The following GPN1 variants were observed in gnomAD, a reference collection of about 807,000 sequenced individuals.
GPN1 encodes the protein GPN-loop GTPase 1.
GPN1 carries 44 observed loss-of-function variants against 55.9 expected under a neutral mutation model. That is an observed-to-expected ratio of 0.79 (90% CI 0.62 to 1.01). The LOEUF (loss-of-function observed/expected upper bound fraction) is 1.01, where lower values mean the gene tolerates loss of function less well. Ranked by LOEUF, GPN1 falls within the 50% of genes least tolerant of loss-of-function variation. GPN1 has a pLI of 0.00. For synonymous variants in GPN1, 179 were observed against 162.5 expected, an observed-to-expected ratio of 1.10 and a Z score of -0.77; for missense variants, 466 against 462.8, an observed-to-expected ratio of 1.01 and a Z score of -0.06.
intron 7 of GPN1, 37 bp downstream of exon 7, chr2:27,635,271 G>A (rs1325368256): frequency 4.3e-6 from 4 of 930,934 alleles, no homozygotes; most frequent in African/African-American, 3.4e-5. Context: ...TTCCATCAAG[G>A]TATAAGGCCT....
rs117640270 is a variant in GPN1 at position 27,632,006 on chromosome 2, A to G, written c.312+106A>G. The G allele has an allele frequency of 2.3e-4, 170 of 748,630 alleles. No homozygotes were observed. In the East Asian group the frequency reaches 4.0e-3, roughly 18 times the overall value. The allele number at this position is 748,630 out of a possible 1,614,324, so 46.4% of individuals were successfully genotyped here. On this transcript the variant is annotated intron_variant, in intron 4 of 13. Coordinates refer to ENST00000610189, the MANE Select transcript of GPN1 (RefSeq NM_007266.4). ...AGAAGAGCAGCAAACCTGAGCATAA[A>G]TATAGAAAATAAGTAGGCATTTTGT...
In GPN1 at chr2:27,638,986, T is replaced by A; in HGVS notation, c.672T>A (p.Thr224=). 6.2e-7 allele frequency: 1 copy of A among 1,613,674 alleles called. No individual in the cohort carries two copies. The highest frequency in any genetic ancestry group is 8.5e-7 in the Non-Finnish European group (1 of 1,179,752). The change falls in exon 9 of 14, where the codon ACT becomes ACA. Residue 224 remains threonine, a synonymous_variant. Coordinates refer to ENST00000610189, the MANE Select transcript of GPN1 (RefSeq NM_007266.4). ...NQETTYVSNL[T]RSMSLVLDEF... ...AGACTACATACGTCAGTAACCTGACTCGTTCAATGAGCCTGGTGTTAGATG... is the reference window on the plus strand; with the variant it reads ...AGACTACATACGTCAGTAACCTGACACGTTCAATGAGCCTGGTGTTAGATG...
chr2:27,645,065 T>G (rs1674160489), intron 12 of GPN1, among the ~76,000 whole-genome samples: 1 of 152,180 alleles, frequency 6.6e-6, no homozygotes, highest in African/African-American at 2.4e-5. Flanking sequence ...ACTACTGGGC[T>G]CAAGCATTCC....
chr2:27,642,958 TACACACACACAC>T (rs1553358324), intron 12 of GPN1, among the ~76,000 whole-genome samples: 4 of 122,610 alleles, frequency 3.3e-5, no homozygotes, highest in South Asian at 2.8e-4. Flanking sequence ...TATATATATA[TACACACACACAC>T]ACACACACAC....
At position 27,642,958 on chromosome 2, in the gene GPN1, T is replaced by TATATAC. The variant is rs10643705; in HGVS notation, c.931+440_931+441insTATACA. On this transcript the variant is annotated intron_variant, in intron 12 of 13. Transcript: ENST00000610189. ...AAATGTGGTTTTATATATATATATA[T>TATATAC]ACACACACACACACACACACACACA... is the stretch of plus-strand genomic sequence containing the variant. Among the ~76,000 whole-genome samples, 414 of 122,638 alleles carry TATATAC rather than the reference T, an allele frequency of 3.4e-3. 2 individuals carry two copies. The highest frequency in any genetic ancestry group is 7.6e-3 in the African/African-American group (255 of 33,362). The allele number at this position is 122,638 out of a possible 152,430, so 80.5% of individuals were successfully genotyped here.
In GPN1 at chr2:27,638,306, G is replaced by A; in HGVS notation, c.570+51G>A. 3.9e-6 allele frequency: 4 copies of A among 1,027,054 alleles called. No individual in the cohort carries two copies. The South Asian group carries it at 5.2e-5, about 13-fold the overall frequency. 63.6% of individuals were successfully genotyped at this position (1,027,054 alleles called of 1,614,324 possible). A position where few individuals can be genotyped will look rare whatever the true frequency, so the allele number is the denominator to read the frequency against. On this transcript the variant is annotated intron_variant, in intron 8 of 13. Coordinates refer to ENST00000610189, the MANE Select transcript of GPN1 (RefSeq NM_007266.4). ...TCACCATTTTTCATCAGAACCTTGTGGTTAGAAGGTTTAGGTGGGTGAGAA... is the reference window on the plus strand; with the variant it reads ...TCACCATTTTTCATCAGAACCTTGTAGTTAGAAGGTTTAGGTGGGTGAGAA...
intron 11 of GPN1, among the ~76,000 whole-genome samples, chr2:27,641,513 C>T (rs1673949719): frequency 6.6e-6 from 1 of 152,028 alleles, no homozygotes; most frequent in East Asian, 1.9e-4. Flanking sequence ...TGCGGAAAGT[C>T]TCCTTAATGT....
Position 27,650,157 on chromosome 2 carries a change from T to C in GPN1, c.1082T>C (p.Met361Thr), listed in dbSNP as rs1330181350. 23 of 1,608,384 alleles carry C rather than the reference T, an allele frequency of 1.4e-5. No homozygotes were observed. Among genetic ancestry groups the C allele is most frequent in the Non-Finnish European group, 2.0e-5 (23 of 1,174,860 alleles). ...GAAGAGCCAGCATTCCAGAATTTTA[T>C]GCAAGAATCGATGGCACAATACTGG... ...SHEEPAFQNF[M>T]QESMAQYWKR... is the part of the protein sequence containing the mutation. The change falls in exon 14 of 14, where the codon ATG becomes ACG. Residue 361 changes from methionine to threonine, a missense_variant. Met to Thr is a moderately conservative substitution (Grantham distance 81). Transcript: ENST00000610189.
chr2:27,644,671 A>G (rs1419071177), intron 12 of GPN1, among the ~76,000 whole-genome samples: 1 of 134,076 alleles, frequency 7.5e-6, no homozygotes, highest in Non-Finnish European at 1.6e-5. Flanking sequence ...TTGTATCTGT[A>G]TGATTTATTT....
chr2:27,637,731 C>G (rs1418746895), intron 7 of GPN1, among the ~76,000 whole-genome samples: 2 of 152,132 alleles, frequency 1.3e-5, no homozygotes, highest in Non-Finnish European at 2.9e-5. Context: ...CTGAAATGCT[C>G]CAAAATGTGA....
At chr2:27,628,588 C>T (rs1239934755), upstream of GPN1, 1 of 1,551,466 alleles carries the variant, frequency 6.4e-7, no homozygotes, top group African/African-American at 1.4e-5. Context: ...ACCCTGGAGA[C>T]TGCACCCTGC....
At chr2:27,631,133 G>C in intron 3 of GPN1, 67 bp downstream of exon 3, 1 of 845,308 alleles carries the variant, frequency 1.2e-6, no homozygotes, top group Non-Finnish European at 2.0e-6. Flanking sequence ...TTTGTGGCTT[G>C]AAAGAGTGTT....
intron 7 of GPN1, among the ~76,000 whole-genome samples, chr2:27,637,299 TTCA>T (rs1673768040): frequency 6.6e-6 from 1 of 152,166 alleles, no homozygotes. Flanking sequence ...CATAAAACTC[TTCA>T]TCCTAATCGT....
intron 5 of GPN1, 31 bp from the exon 6 acceptor site, chr2:27,634,815 A>G (rs1304162886): frequency 8.3e-7 from 1 of 1,204,476 alleles, no homozygotes; most frequent in Non-Finnish European, 1.2e-6. Flanking sequence ...ACACAAATGT[A>G]ACACTTCTTT....
At chr2:27,629,378 A>G in intron 1 of GPN1, 2 of 1,550,900 alleles carry the variant, frequency 1.3e-6, no homozygotes, top group East Asian at 2.4e-5. Flanking sequence ...CCTTCAGGGC[A>G]TACTCGGTCC....
At chr2:27,632,753 C>A in intron 5 of GPN1, 83 bp downstream of exon 5, 3 of 913,162 alleles carry the variant, frequency 3.3e-6, no homozygotes, top group Non-Finnish European at 1.8e-6. Context: ...ATACCATCAG[C>A]CTCTGAAAGA....
At chr2:27,632,042 A>G (rs1255934786) in intron 4 of GPN1, 142 bp downstream of exon 4, 5 of 656,592 alleles carry the variant, frequency 7.6e-6, no homozygotes, top group Admixed American at 7.3e-5. Context: ...CAGACAGAGA[A>G]GTAGACTATG....
intron 10 of GPN1, among the ~76,000 whole-genome samples, chr2:27,640,580 C>A (rs1395888557): frequency 6.6e-6 from 1 of 152,208 alleles, no homozygotes; most frequent in Non-Finnish European, 1.5e-5. Context: ...ACGTATACAG[C>A]ACTTATCACA....
chr2:27,631,988 C>A, intron 4 of GPN1, 88 bp downstream of exon 4: 1 of 811,180 alleles, frequency 1.2e-6, no homozygotes, highest in Non-Finnish European at 2.2e-6. Context: ...TAAAGAAGAG[C>A]AGCAAACCTG....
Sources: gnomAD v4.1 joint callset for allele counts (sites outside exome capture counted in the v4.1 genomes callset) on GRCh38, gnomAD v4.1.1 for gene constraint, MANE v1.5 for transcripts, NCBI Gene and HGNC (gene_info 2026-07-23, HGNC 2026-07-21) for gene names.